CEP112: variants seen among roughly 807,000 people sequenced by gnomAD.
CEP112 encodes the protein centrosomal protein 112.
In CEP112, 127 loss-of-function variants were observed where a neutral mutation model predicts 153.0. The ratio of observed to expected loss-of-function variants is 0.83; its 90% CI spans 0.72 to 0.96. The LOEUF (loss-of-function observed/expected upper bound fraction) is 0.96. CEP112 is among the 40% of genes least tolerant of loss of function. CEP112 has a pLI of 0.00. For synonymous variants in CEP112, 358 were observed against 374.4 expected, an observed-to-expected ratio of 0.96 and a Z score of 0.51; for missense variants, 1,089 against 1,101.2, an observed-to-expected ratio of 0.99 and a Z score of 0.16.
intron 21 of CEP112, among the ~76,000 whole-genome samples, chr17:65,769,193 AAT>A (rs1335175807): frequency 1.3e-5 from 2 of 152,004 alleles, no homozygotes; most frequent in Non-Finnish European, 1.5e-5. Flanking sequence ...ACATCAAAAA[AAT>A]AAAATAGGAA....
chr17:65,734,806 A>G (rs1236519480), intron 23 of CEP112, among the ~76,000 whole-genome samples: 1 of 152,194 alleles, frequency 6.6e-6, no homozygotes, highest in African/African-American at 2.4e-5. Context: ...TATTTTTGTT[A>G]ATATGCCAAA....
intron 17 of CEP112, among the ~76,000 whole-genome samples, chr17:65,975,016 CAAAT>C (rs1372542357): frequency 6.6e-6 from 1 of 150,938 alleles, no homozygotes; most frequent in African/African-American, 2.4e-5. Context: ...CAAACAGAAA[CAAAT>C]AAACATACTT....
chr17:65,683,495 CAAGA>C (rs2047630652), intron 24 of CEP112, among the ~76,000 whole-genome samples: 1 of 152,188 alleles, frequency 6.6e-6, no homozygotes, highest in South Asian at 2.1e-4. Flanking sequence ...CAGGAGCCTT[CAAGA>C]GAAGGCTGGC....
intron 23 of CEP112, among the ~76,000 whole-genome samples, chr17:65,713,052 G>C (rs2049290125): frequency 1.3e-5 from 2 of 152,196 alleles, no homozygotes; most frequent in Admixed American, 1.3e-4. Context: ...TGAAACCACA[G>C]TATAATCACC....
At chr17:65,772,628 T>C (rs2053434867) in intron 21 of CEP112, among the ~76,000 whole-genome samples, 1 of 149,708 alleles carries the variant, frequency 6.7e-6, no homozygotes. Context: ...AGACAGCCCC[T>C]TCTGAAACCC....
Position 66,132,759 on chromosome 17 carries a change from C to G in CEP112, c.475G>C (p.Glu159Gln). ...VQSPTDVYSR[E>Q]QYTGKLRVRS... ...ACTCGGAGCTTCCCAGTGTACTGTTCCCTGCTAAGAGACCAAAATAATCGC... is the reference window on the plus strand; with the variant it reads ...ACTCGGAGCTTCCCAGTGTACTGTTGCCTGCTAAGAGACCAAAATAATCGC... The change falls in exon 5 of 27, where the codon GAA becomes CAA. Residue 159 changes from glutamate (E) to glutamine (Q), a missense_variant. By Grantham distance (29) the Glu-to-Gln change is conservative (BLOSUM62 2). Coordinates refer to ENST00000535342, the MANE Select transcript of CEP112 (RefSeq NM_001199165.4). The G allele has an allele frequency of 6.2e-7, 1 of 1,611,188 alleles. No homozygotes were observed. Among genetic ancestry groups the G allele is most frequent in the Non-Finnish European group, 8.5e-7 (1 of 1,177,380 alleles).
intron 6 of CEP112, among the ~76,000 whole-genome samples, chr17:66,116,891 G>A (rs1014826788): frequency 1.1e-4 from 14 of 130,556 alleles, no homozygotes; most frequent in African/African-American, 3.4e-4. Context: ...TTTCTGAGAC[G>A]GAGTCTCGCT....
intron 19 of CEP112, among the ~76,000 whole-genome samples, chr17:65,919,952 C>T (rs2060640743): frequency 6.6e-6 from 1 of 152,054 alleles, no homozygotes; most frequent in Admixed American, 6.6e-5. Context: ...GAATCCACCA[C>T]CTATGAACTC....
intron 21 of CEP112, among the ~76,000 whole-genome samples, chr17:65,786,510 A>C (rs2054280099): frequency 6.8e-6 from 1 of 147,652 alleles, no homozygotes; most frequent in Non-Finnish European, 1.5e-5. Flanking sequence ...GCAGTTCTTC[A>C]TGTATTTATG....
rs1038563459 is a variant in CEP112 at position 66,126,603 on chromosome 17, A to C, written c.642+3143T>G. On this transcript the variant is annotated intron_variant, in intron 6 of 26. Transcript: ENST00000535342. ...AATGTTGAAAAGTTTAAATATTAAG[A>C]AAAAATACAAGAGAAAAATATCATT... is the stretch of plus-strand genomic sequence containing the variant. Among the ~76,000 whole-genome samples the C allele has an allele frequency of 1.2e-4, 19 of 152,180 alleles. 2 individuals are homozygous for C. The highest frequency in any genetic ancestry group is 1.2e-3 in the Admixed American group (18 of 15,276).
chr17:65,897,553 C>T (rs1212357989), intron 20 of CEP112, among the ~76,000 whole-genome samples: 3 of 151,970 alleles, frequency 2.0e-5, no homozygotes, highest in Admixed American at 6.6e-5. Context: ...TTTCTACTTC[C>T]TAAAGACACT....
chr17:65,781,890 A>G (rs1011799805), intron 21 of CEP112, among the ~76,000 whole-genome samples: 1 of 152,226 alleles, frequency 6.6e-6, no homozygotes, highest in Non-Finnish European at 1.5e-5. Context: ...TAAGACCTCC[A>G]TCTATAAGAA....
chr17:66,016,574 T>C (rs1046184088), intron 16 of CEP112, among the ~76,000 whole-genome samples: 8 of 152,008 alleles, frequency 5.3e-5, no homozygotes, highest in South Asian at 2.1e-4. Flanking sequence ...ACTGGTACTC[T>C]AAAATGATAT....
At chr17:65,940,176 T>C (rs1480792470) in intron 18 of CEP112, among the ~76,000 whole-genome samples, 2 of 152,140 alleles carry the variant, frequency 1.3e-5, no homozygotes, top group African/African-American at 4.8e-5. Context: ...CAGTTCAAAC[T>C]ACAATGAGAT....
At chr17:65,969,247 A>G (rs903033656) in intron 17 of CEP112, among the ~76,000 whole-genome samples, 1 of 151,872 alleles carries the variant, frequency 6.6e-6, no homozygotes, top group African/African-American at 2.4e-5. Flanking sequence ...ACGCCTGACT[A>G]GTTTTTTTTG....
At chr17:65,688,605 G>A (rs2047934506) in intron 24 of CEP112, 1 of 154,324 alleles carries the variant, frequency 6.5e-6, no homozygotes, top group Non-Finnish European at 1.4e-5. Flanking sequence ...CTTGAAGTTG[G>A]TTCTAGAATG....
At chr17:65,706,696 A>G (rs928749410) in intron 23 of CEP112, among the ~76,000 whole-genome samples, 1 of 152,144 alleles carries the variant, frequency 6.6e-6, no homozygotes, top group Non-Finnish European at 1.5e-5. Context: ...AGTTATCCAA[A>G]TCAGGAACTG....
chr17:65,898,594 C>T (rs960712267), intron 20 of CEP112, among the ~76,000 whole-genome samples: 1 of 152,102 alleles, frequency 6.6e-6, no homozygotes, highest in Admixed American at 6.6e-5. Flanking sequence ...ATTTATGATG[C>T]TCAGTGTAGG....
chr17:65,794,280 A>G (rs1288155342), intron 21 of CEP112, among the ~76,000 whole-genome samples: 3 of 152,216 alleles, frequency 2.0e-5, no homozygotes, highest in Non-Finnish European at 4.4e-5. Context: ...CCATAGAAAA[A>G]GGATAAATAT....
Sources: allele counts gnomAD v4.1 joint callset (sites outside exome capture counted in the v4.1 genomes callset), GRCh38; gene constraint gnomAD v4.1.1; transcripts MANE v1.5; gene names NCBI Gene and HGNC (gene_info 2026-07-23, HGNC 2026-07-21).